UNC13B: variants seen among roughly 807,000 people sequenced by gnomAD.
The protein encoded by UNC13B is unc-13 homolog B.
In UNC13B, 144 loss-of-function variants were observed where a neutral mutation model predicts 211.0. The observed-to-expected ratio is 0.68, with a 90% CI of 0.60 to 0.78. UNC13B has a LOEUF of 0.78. Ranked by LOEUF, UNC13B falls within the 30% of genes least tolerant of loss-of-function variation. The pLI is 0.00. For synonymous variants in UNC13B, 709 were observed against 725.8 expected, an observed-to-expected ratio of 0.98 and a Z score of 0.37; for missense variants, 1,777 against 2,002.0, an observed-to-expected ratio of 0.89 and a Z score of 2.14.
At chr9:35,217,213 T>C (rs1025646103) in intron 1 of UNC13B, among the ~76,000 whole-genome samples, 3 of 152,202 alleles carry the variant, frequency 2.0e-5, no homozygotes, top group Non-Finnish European at 4.4e-5. Flanking sequence ...TGTTGGGAAC[T>C]AGGTGAAGGG....
chr9:35,268,201 A>G (rs1422794421), intron 7 of UNC13B, among the ~76,000 whole-genome samples: 1 of 152,138 alleles, frequency 6.6e-6, no homozygotes, highest in Non-Finnish European at 1.5e-5. Context: ...TCCCCTCCCC[A>G]GGAGGTGGAG....
intron 13 of UNC13B, among the ~76,000 whole-genome samples, chr9:35,372,099 G>A (rs571949341): frequency 3.7e-4 from 57 of 152,236 alleles, no homozygotes; most frequent in African/African-American, 1.4e-3. Flanking sequence ...GTGAAACACT[G>A]TTTCTACTAA....
chr9:35,257,557 GGAGA>G (rs1334967259), intron 6 of UNC13B, among the ~76,000 whole-genome samples: 1 of 123,348 alleles, frequency 8.1e-6, no homozygotes, highest in African/African-American at 3.1e-5. Context: ...CTCCAGCCTG[GGAGA>G]AAGAGTGAGA....
At chr9:35,254,817 C>T (rs986240568) in intron 6 of UNC13B, among the ~76,000 whole-genome samples, 4 of 145,442 alleles carry the variant, frequency 2.8e-5, no homozygotes, top group South Asian at 2.1e-4. Flanking sequence ...CTTTAAATTA[C>T]AGTTTTTATT....
chr9:35,182,660 G>T (rs1159652468), intron 1 of UNC13B, among the ~76,000 whole-genome samples: 1 of 151,962 alleles, frequency 6.6e-6, no homozygotes, highest in Non-Finnish European at 1.5e-5. Flanking sequence ...TGAGATTAGG[G>T]AGTGGTGATG....
chr9:35,334,410 CT>C lies in UNC13B; in HGVS notation c.9414+20425del, dbSNP rs951220868. On this transcript the variant is annotated intron_variant, in intron 11 of 39. Coordinates refer to ENST00000635942, the MANE Select transcript of UNC13B (RefSeq NM_001371189.2). ...TAAAAACCTCTTCTGCTAAAGACGT[CT>C]TTTGGCCCAGCTTGGCTTATCAAGG... 2.6e-5 allele frequency among the ~76,000 whole-genome samples: 4 copies of C among 152,322 alleles called. No individual in the cohort carries two copies. The South Asian group carries it at 6.2e-4, about 24-fold the overall frequency.
chr9:35,226,468 G>A (rs1824848098), intron 1 of UNC13B, among the ~76,000 whole-genome samples: 1 of 152,188 alleles, frequency 6.6e-6, no homozygotes, highest in Non-Finnish European at 1.5e-5. Flanking sequence ...ATCACAAGGT[G>A]AAGTCCCACA....
chr9:35,356,087 G>A (rs1467575294), intron 11 of UNC13B, among the ~76,000 whole-genome samples: 2 of 152,164 alleles, frequency 1.3e-5, no homozygotes, highest in Non-Finnish European at 2.9e-5. Flanking sequence ...ACAGTTCTGG[G>A]TCCTATCCAA....
intron 7 of UNC13B, among the ~76,000 whole-genome samples, chr9:35,260,050 A>AC (rs1827176768): frequency 2.0e-5 from 3 of 148,786 alleles, no homozygotes; most frequent in Admixed American, 6.7e-5. Flanking sequence ...AAAAAAAAAA[A>AC]AAAAAAAAAA....
intron 11 of UNC13B, among the ~76,000 whole-genome samples, chr9:35,335,144 T>C (rs1831582222): frequency 2.0e-5 from 3 of 152,238 alleles, no homozygotes; most frequent in Admixed American, 2.0e-4. Context: ...GCCACAGGAC[T>C]TTAAGGAACA....
At chr9:35,248,514 C>T (rs1173014805) in intron 6 of UNC13B, among the ~76,000 whole-genome samples, 4 of 152,084 alleles carry the variant, frequency 2.6e-5, no homozygotes, top group African/African-American at 4.8e-5. Context: ...TTTCCCTCTA[C>T]ACATTGCTTT....
chr9:35,265,667 G>C (rs1312955823), intron 7 of UNC13B, among the ~76,000 whole-genome samples: 1 of 152,062 alleles, frequency 6.6e-6, no homozygotes, highest in African/African-American at 2.4e-5. Flanking sequence ...GCCAGGCACA[G>C]TGGCTCATGC....
intron 12 of UNC13B, among the ~76,000 whole-genome samples, chr9:35,368,735 T>TTG (rs1833932225): frequency 1.3e-5 from 2 of 151,156 alleles, no homozygotes; most frequent in African/African-American, 4.9e-5. Context: ...TTTTTTTTTT[T>TTG]AGTTTGTCTT....
intron 7 of UNC13B, among the ~76,000 whole-genome samples, chr9:35,290,770 A>C (rs1396191992): frequency 2.0e-5 from 3 of 151,966 alleles, no homozygotes; most frequent in Non-Finnish European, 4.4e-5. Flanking sequence ...CCTAGACCAG[A>C]AGGGGGCTTA....
chr9:35,229,266 C>G (rs965072204), intron 2 of UNC13B, among the ~76,000 whole-genome samples: 2 of 152,098 alleles, frequency 1.3e-5, no homozygotes, highest in African/African-American at 4.8e-5. Context: ...CTTGAGAACC[C>G]AGGAAAACCT....
At chr9:35,169,695 G>C (rs750430035) in intron 1 of UNC13B, among the ~76,000 whole-genome samples, 1 of 152,164 alleles carries the variant, frequency 6.6e-6, no homozygotes, top group Non-Finnish European at 1.5e-5. Flanking sequence ...TGCTTTGTGT[G>C]AGCCAGGCAG....
intron 3 of UNC13B, among the ~76,000 whole-genome samples, chr9:35,231,718 G>A (rs963403644): frequency 1.3e-5 from 2 of 152,062 alleles, no homozygotes; most frequent in Admixed American, 6.6e-5. Flanking sequence ...GGAGTAAAAT[G>A]TCCTATATTC....
chr9:35,318,092 C>G (rs1462200304), intron 11 of UNC13B, among the ~76,000 whole-genome samples: 1 of 152,080 alleles, frequency 6.6e-6, no homozygotes, highest in Non-Finnish European at 1.5e-5. Context: ...TAGCTGAAAA[C>G]AGTTGCCAAA....
chr9:35,176,630 C>A (rs1019577648), intron 1 of UNC13B, among the ~76,000 whole-genome samples: 29 of 152,168 alleles, frequency 1.9e-4, no homozygotes, highest in Non-Finnish European at 1.5e-4. Context: ...GAGGAAAAAA[C>A]CCCTTTCCTT....
Sources: gnomAD v4.1 joint callset for allele counts (sites outside exome capture counted in the v4.1 genomes callset) on GRCh38, gnomAD v4.1.1 for gene constraint, MANE v1.5 for transcripts, NCBI Gene and HGNC (gene_info 2026-07-23, HGNC 2026-07-21) for gene names.